VAV3: variants seen among roughly 807,000 people sequenced by gnomAD.
The protein encoded by VAV3 is guanine nucleotide exchange factor VAV3.
In VAV3, 94 loss-of-function variants were observed where a neutral mutation model predicts 131.2. That is an observed-to-expected ratio of 0.72 (90% CI 0.61 to 0.85). The LOEUF (loss-of-function observed/expected upper bound fraction) is 0.85, where lower values mean the gene tolerates loss of function less well. VAV3 is among the 40% of genes least tolerant of loss of function. VAV3 has a pLI of 0.00. For missense variants in VAV3, 939 were observed against 1,002.7 expected, an observed-to-expected ratio of 0.94 and a Z score of 0.86; for synonymous variants, 349 against 342.0, an observed-to-expected ratio of 1.02 and a Z score of -0.22.
intron 1 of VAV3, among the ~76,000 whole-genome samples, chr1:107,921,725 T>C (rs1025341401): frequency 1.3e-5 from 2 of 152,222 alleles, no homozygotes; most frequent in African/African-American, 4.8e-5. Flanking sequence ...TATTTTATTA[T>C]TTAAAAATCC....
intron 4 of VAV3, among the ~76,000 whole-genome samples, chr1:107,775,577 C>CAAAAAAAAAAA (rs34775096): frequency 1.2e-4 from 7 of 56,472 alleles, no homozygotes; most frequent in Non-Finnish European, 1.8e-4. Flanking sequence ...GACTCAGTCA[C>CAAAAAAAAAAA]AAAAAAAAAA....
intron 1 of VAV3, among the ~76,000 whole-genome samples, chr1:107,878,500 A>T (rs755489863): frequency 3.9e-5 from 6 of 152,172 alleles, no homozygotes; most frequent in Non-Finnish European, 7.4e-5. Flanking sequence ...GTTGTCTTAC[A>T]AAATGTCCTA....
intron 15 of VAV3, among the ~76,000 whole-genome samples, chr1:107,716,118 T>G (rs1661076499): frequency 6.6e-6 from 1 of 152,222 alleles, no homozygotes; most frequent in African/African-American, 2.4e-5. Context: ...ATACAAAGTC[T>G]TGGTTTTATA....
chr1:107,611,471 T>C (rs1652720080), intron 21 of VAV3, among the ~76,000 whole-genome samples: 1 of 152,118 alleles, frequency 6.6e-6, no homozygotes, highest in Admixed American at 6.5e-5. Flanking sequence ...AGTTCACCCT[T>C]TGATGACAAG....
chr1:107,839,963 C>A (rs1668625025), intron 2 of VAV3, among the ~76,000 whole-genome samples: 1 of 152,052 alleles, frequency 6.6e-6, no homozygotes, highest in South Asian at 2.1e-4. Context: ...CAAACTCACA[C>A]AGGAGAAATA....
intron 1 of VAV3, among the ~76,000 whole-genome samples, chr1:107,901,147 G>A (rs906628915): frequency 1.3e-5 from 2 of 152,126 alleles, no homozygotes; most frequent in African/African-American, 4.8e-5. Context: ...TACACCAGCT[G>A]GGGAGCTGCT....
intron 2 of VAV3, among the ~76,000 whole-genome samples, chr1:107,841,584 A>T (rs1668712009): frequency 6.6e-6 from 1 of 152,220 alleles, no homozygotes; most frequent in South Asian, 2.1e-4. Context: ...GGTATCATTA[A>T]CATACAAAAA....
chr1:107,695,322 T>C (rs1023087855), intron 17 of VAV3, among the ~76,000 whole-genome samples: 2 of 152,032 alleles, frequency 1.3e-5, no homozygotes, highest in Non-Finnish European at 2.9e-5. Flanking sequence ...AGAATAAGAT[T>C]AAGAGCAGGG....
intron 15 of VAV3, among the ~76,000 whole-genome samples, chr1:107,731,693 A>G (rs759113906): frequency 7.2e-5 from 11 of 152,190 alleles, no homozygotes; most frequent in Non-Finnish European, 1.2e-4. Flanking sequence ...GCAATTTCAG[A>G]GGCAGTCCGT....
chr1:107,630,784 C>G (rs927031788), intron 20 of VAV3, among the ~76,000 whole-genome samples: 1 of 152,080 alleles, frequency 6.6e-6, no homozygotes, highest in Admixed American at 6.5e-5. Context: ...GTAAACATGC[C>G]TAAAAAAACA....
At chr1:107,632,820 C>T (rs1654603495) in intron 20 of VAV3, among the ~76,000 whole-genome samples, 1 of 152,162 alleles carries the variant, frequency 6.6e-6, no homozygotes, top group Admixed American at 6.5e-5. Context: ...AAACATTAGC[C>T]TTACTTGTTT....
chr1:107,591,866 T>C (rs1650978665), intron 25 of VAV3, among the ~76,000 whole-genome samples: 1 of 152,202 alleles, frequency 6.6e-6, no homozygotes, highest in Non-Finnish European at 1.5e-5. Flanking sequence ...AAAGGTATTC[T>C]CTTCTCTTAT....
At chr1:107,749,109 G>A in intron 14 of VAV3, 32 bp from the exon 15 acceptor site, 1 of 1,377,928 alleles carries the variant, frequency 7.3e-7, no homozygotes, top group South Asian at 1.3e-5. Flanking sequence ...AGATTAATAT[G>A]TATCATTAAT....
At position 107,787,869 on chromosome 1, in the gene VAV3, G is replaced by A. The variant is rs138559051; in HGVS notation, c.322-8377C>T. Among the ~76,000 whole-genome samples the A allele has an allele frequency of 4.4e-3, 668 of 152,146 alleles. 5 individuals are homozygous for A. Among genetic ancestry groups the A allele is most frequent in the African/African-American group, 0.015 (641 of 41,480 alleles). ...ATGGTCCTGCCGTCTCTGCCTTCTT[G>A]ACCTCAACACTCTGCCTCTGAAGAC... On this transcript the variant is annotated intron_variant, in intron 2 of 26. Coordinates refer to ENST00000370056, the MANE Select transcript of VAV3 (RefSeq NM_006113.5).
intron 2 of VAV3, among the ~76,000 whole-genome samples, chr1:107,798,891 A>AT (rs1009112272): frequency 6.6e-6 from 1 of 152,078 alleles, no homozygotes; most frequent in Non-Finnish European, 1.5e-5. Context: ...TCAGAAGAAG[A>AT]TTTTTTTAAT....
chr1:107,812,867 TA>T (rs1252666070), intron 2 of VAV3, among the ~76,000 whole-genome samples: 1 of 152,166 alleles, frequency 6.6e-6, no homozygotes, highest in Non-Finnish European at 1.5e-5. Flanking sequence ...CTCACGCCTG[TA>T]ATCCCAGCAC....
chr1:107,736,419 T>G (rs1404167729), intron 15 of VAV3, among the ~76,000 whole-genome samples: 2 of 152,156 alleles, frequency 1.3e-5, no homozygotes, highest in Non-Finnish European at 2.9e-5. Context: ...AATCAAATTG[T>G]CCCTGTTTGC....
At position 107,785,668 on chromosome 1, in the gene VAV3, G is replaced by T; in HGVS notation, c.322-6176C>A. ...CTGTGGGGTTGTGGAGAAAAACTTG[G>T]GCCCCAGAAGAGGGAACTGGGAGTG... is the stretch of plus-strand genomic sequence containing the variant. On this transcript the variant is annotated intron_variant, in intron 2 of 26. Transcript: ENST00000370056. The T allele has an allele frequency of 1.8e-6, 2 of 1,111,532 alleles. 1 individual carries two copies. Among genetic ancestry groups the T allele is most frequent in the South Asian group, 4.1e-5 (2 of 48,376 alleles). The allele number at this position is 1,111,532 out of a possible 1,614,324, so 68.9% of individuals were successfully genotyped here.
chr1:107,896,266 C>G (rs932031662), intron 1 of VAV3, among the ~76,000 whole-genome samples: 9 of 152,198 alleles, frequency 5.9e-5, no homozygotes, highest in African/African-American at 1.7e-4. Context: ...CACTTAGAGA[C>G]ACAGACTTAC....
Sources: gnomAD v4.1 joint callset for allele counts (sites outside exome capture counted in the v4.1 genomes callset) on GRCh38, gnomAD v4.1.1 for gene constraint, MANE v1.5 for transcripts, NCBI Gene and HGNC (gene_info 2026-07-23, HGNC 2026-07-21) for gene names.